ADAM22: variants seen among roughly 807,000 people sequenced by gnomAD.
ADAM22 encodes disintegrin and metalloproteinase domain-containing protein 22.
A neutral mutation model predicts 144.6 loss-of-function variants in ADAM22; 65 were observed. The observed-to-expected ratio is 0.45, with a 90% CI of 0.37 to 0.55. The LOEUF (loss-of-function observed/expected upper bound fraction) is 0.55, where lower values mean the gene tolerates loss of function less well. Ranked by LOEUF, ADAM22 falls within the 20% of genes least tolerant of loss-of-function variation. The probability of loss-of-function intolerance (pLI) is 0.00; values close to 1 mark genes in which losing one functional copy is unlikely to be tolerated. For missense variants in ADAM22, 974 were observed against 1,184.9 expected, an observed-to-expected ratio of 0.82 and a Z score of 2.61; for synonymous variants, 391 against 412.6, an observed-to-expected ratio of 0.95 and a Z score of 0.63.
chr7:87,939,511 A>G (rs528036570), intron 2 of ADAM22, among the ~76,000 whole-genome samples: 1 of 152,362 alleles, frequency 6.6e-6, no homozygotes, highest in African/African-American at 2.4e-5. Flanking sequence ...TTCAAAGAGC[A>G]CGTGACTGTA....
At position 88,116,825 on chromosome 7, in the gene ADAM22, C is replaced by T. The variant is rs768897670; in HGVS notation, c.607+11C>T. On this transcript the variant is annotated intron_variant, in intron 7 of 31. Coordinates refer to ENST00000413139, the MANE Select transcript of ADAM22 (RefSeq NM_001324418.2). ...ATGATCTTCCATCTGGTATGATGTT[C>T]ATATAGTGACTTTTTATCTAAAAGA... The T allele has an allele frequency of 5.6e-6, 9 of 1,593,722 alleles. No individual in the cohort carries two copies. In the South Asian group the frequency reaches 1.0e-4, roughly 18 times the overall value.
At chr7:88,075,891 T>A (rs1426646192) in intron 4 of ADAM22, among the ~76,000 whole-genome samples, 199 bp downstream of exon 4, 1 of 152,240 alleles carries the variant, frequency 6.6e-6, no homozygotes, top group Non-Finnish European at 1.5e-5. Flanking sequence ...TTTAGGGTAC[T>A]GTAGGAATTG....
At position 88,163,026 on chromosome 7, in the gene ADAM22, A is replaced by T. The variant is rs746768069; in HGVS notation, c.1922A>T (p.Lys641Met). 2 of 1,609,144 alleles carry T rather than the reference A, an allele frequency of 1.2e-6. No homozygotes were observed. Among genetic ancestry groups the T allele is most frequent in the Non-Finnish European group, 1.7e-6 (2 of 1,178,076 alleles). Residue 641 changes from lysine to methionine, a missense_variant, in exon 23 of 32, where the codon AAG (lysine) becomes ATG (methionine). Lys to Met is a moderately conservative substitution (Grantham distance 95). Coordinates refer to ENST00000413139, the MANE Select transcript of ADAM22 (RefSeq NM_001324418.2). ...TTTGTTTTTAGTGGTGGGCATGTTAAGCTTGAAGAAGATGTAGATCTTGGC... is the reference window on the plus strand; with the variant it reads ...TTTGTTTTTAGTGGTGGGCATGTTATGCTTGAAGAAGATGTAGATCTTGGC... ...RTLNCSGGHV[K>M]LEEDVDLGYV...
At chr7:88,098,902 C>CTCACTA (rs2129486245) in intron 4 of ADAM22, among the ~76,000 whole-genome samples, 1 of 152,232 alleles carries the variant, frequency 6.6e-6, no homozygotes, top group East Asian at 1.9e-4. Context: ...CTACAAGATC[C>CTCACTA]TAGTGCTCAC....
intron 2 of ADAM22, among the ~76,000 whole-genome samples, chr7:87,973,280 T>C (rs1407409633): frequency 6.6e-6 from 1 of 152,096 alleles, no homozygotes; most frequent in Non-Finnish European, 1.5e-5. Context: ...GGGCAAAGGA[T>C]ATGAACAGAC....
At chr7:88,046,025 A>G (rs1804609558) in intron 3 of ADAM22, among the ~76,000 whole-genome samples, 1 of 152,044 alleles carries the variant, frequency 6.6e-6, no homozygotes. Flanking sequence ...TGTAATAAAC[A>G]TGGGAGTGCA....
chr7:88,174,958 A>G (rs1845278146), intron 26 of ADAM22, among the ~76,000 whole-genome samples: 1 of 152,116 alleles, frequency 6.6e-6, no homozygotes, highest in Non-Finnish European at 1.5e-5. Flanking sequence ...ATTATACAGT[A>G]TTTCTTAAAA....
At chr7:88,103,169 A>T (rs1009825427) in intron 4 of ADAM22, among the ~76,000 whole-genome samples, 7 of 152,146 alleles carry the variant, frequency 4.6e-5, no homozygotes, top group African/African-American at 1.7e-4. Flanking sequence ...GGCCCATTTT[A>T]GAGCTGTCAA....
chr7:88,085,289 T>C (rs1818139468), intron 4 of ADAM22, among the ~76,000 whole-genome samples: 1 of 151,336 alleles, frequency 6.6e-6, no homozygotes, highest in Admixed American at 6.6e-5. Flanking sequence ...AGCATGGCCA[T>C]ATGTATCCTA....
At chr7:88,107,704 AC>A (rs1461350141) in intron 4 of ADAM22, among the ~76,000 whole-genome samples, 2 of 151,022 alleles carry the variant, frequency 1.3e-5, no homozygotes, top group Non-Finnish European at 2.9e-5. Flanking sequence ...TCCTGCCTTA[AC>A]CTCCCAAGAG....
intron 4 of ADAM22, among the ~76,000 whole-genome samples, chr7:88,103,600 T>G (rs1328644773): frequency 6.6e-6 from 1 of 152,092 alleles, no homozygotes; most frequent in Non-Finnish European, 1.5e-5. Context: ...TGAAGAAAGT[T>G]TCAAGGACAA....
rs1481058036 is a variant in ADAM22, at chr7:87,982,102, CACACACAT to C, written c.323+3691_323+3698del. On this transcript the variant is annotated intron_variant, in intron 3 of 31. Transcript: ENST00000413139. Reference sequence around the variant, plus strand: ...ACACACACACACACACACACACACACACACACATGCATACACAAGTTTTCTAAGCCTCT... The same window carrying C: ...ACACACACACACACACACACACACACGCATACACAAGTTTTCTAAGCCTCT... Among the ~76,000 whole-genome samples, 399 of 148,892 alleles carry C rather than the reference CACACACAT, an allele frequency of 2.7e-3. 3 individuals are homozygous for C. Among genetic ancestry groups the C allele is most frequent in the African/African-American group, 7.7e-3 (303 of 39,470 alleles).
chr7:88,153,362 G>T, intron 21 of ADAM22, 36 bp downstream of exon 21: 1 of 1,548,164 alleles, frequency 6.5e-7, no homozygotes, highest in Non-Finnish European at 8.9e-7. Flanking sequence ...TTCATCCCTT[G>T]GTCAATTACA....
intron 30 of ADAM22, among the ~76,000 whole-genome samples, chr7:88,187,139 T>G (rs1237977687): frequency 6.6e-6 from 1 of 152,150 alleles, no homozygotes; most frequent in Non-Finnish European, 1.5e-5. Context: ...GAAAAACGTA[T>G]AAAGAAACTA....
intron 4 of ADAM22, among the ~76,000 whole-genome samples, chr7:88,082,321 T>TA (rs1320382095): frequency 6.6e-6 from 1 of 152,154 alleles, no homozygotes; most frequent in African/African-American, 2.4e-5. Context: ...CCTTACACCT[T>TA]ACACAAAAAT....
chr7:88,033,220 A>G (rs191674731), intron 3 of ADAM22, among the ~76,000 whole-genome samples: 131 of 152,282 alleles, frequency 8.6e-4, no homozygotes, highest in African/African-American at 2.9e-3. Flanking sequence ...GTTGTGATAT[A>G]CATTTTTGGT....
intron 3 of ADAM22, among the ~76,000 whole-genome samples, chr7:88,037,889 C>A (rs972307193): frequency 6.6e-6 from 1 of 152,098 alleles, no homozygotes; most frequent in African/African-American, 2.4e-5. Context: ...AAACTTTGTG[C>A]CAATATTCAG....
intron 3 of ADAM22, among the ~76,000 whole-genome samples, chr7:87,994,851 G>A (rs1461423897): frequency 2.6e-5 from 4 of 151,396 alleles, no homozygotes; most frequent in Non-Finnish European, 4.4e-5. Context: ...TTTTGGAGAC[G>A]GAGTCTTGCT....
intron 14 of ADAM22, among the ~76,000 whole-genome samples, chr7:88,141,733 T>C (rs1313100582): frequency 9.2e-5 from 14 of 152,180 alleles, no homozygotes; most frequent in Admixed American, 9.2e-4. Flanking sequence ...AACTACATGG[T>C]ATTCTGTTTT....
Sources: gnomAD v4.1 joint callset for allele counts (sites outside exome capture counted in the v4.1 genomes callset) on GRCh38, gnomAD v4.1.1 for gene constraint, MANE v1.5 for transcripts, NCBI Gene and HGNC (gene_info 2026-07-23, HGNC 2026-07-21) for gene names.